Variants in OXR1 observed in about 807,000 individuals in gnomAD.
OXR1 encodes the protein oxidation resistance 1, also known as oxidation resistance protein 1.
A neutral mutation model predicts 104.6 loss-of-function variants in OXR1; 41 were observed. The observed-to-expected ratio is 0.39, with a 90% CI of 0.31 to 0.51. The LOEUF (loss-of-function observed/expected upper bound fraction) is 0.51, where lower values mean the gene tolerates loss of function less well. OXR1 is among the 20% of genes least tolerant of loss of function. The pLI is 0.77. For missense variants in OXR1, 955 were observed against 1,031.9 expected (o/e 0.93, Z 1.02); for synonymous variants, 348 against 348.4 (o/e 1.00, Z 0.01).
intron 6 of OXR1, among the ~76,000 whole-genome samples, chr8:106,690,294 A>G (rs1282111792): frequency 1.3e-5 from 2 of 151,042 alleles, no homozygotes; most frequent in African/African-American, 2.4e-5. Context: ...CATATATACT[A>G]CATTCATATT....
At chr8:106,432,717 A>G (rs1007040994) in intron 2 of OXR1, among the ~76,000 whole-genome samples, 6 of 152,138 alleles carry the variant, frequency 3.9e-5, no homozygotes, top group Non-Finnish European at 7.4e-5. Flanking sequence ...TGCATGTAGG[A>G]TGCATTTATC....
intron 3 of OXR1, among the ~76,000 whole-genome samples, chr8:106,548,686 G>A (rs1030875408): frequency 1.3e-5 from 2 of 152,178 alleles, no homozygotes; most frequent in Non-Finnish European, 2.9e-5. Flanking sequence ...TGTATGTTTA[G>A]GAACTCGATG....
intron 2 of OXR1, among the ~76,000 whole-genome samples, chr8:106,408,143 G>C (rs1327981105): frequency 2.0e-5 from 3 of 152,144 alleles, no homozygotes; most frequent in African/African-American, 4.8e-5. Context: ...TCCCCAAATA[G>C]CGTTGCTCTT....
intron 7 of OXR1, among the ~76,000 whole-genome samples, chr8:106,693,724 C>T (rs900804481): frequency 1.8e-4 from 28 of 152,082 alleles, no homozygotes; most frequent in African/African-American, 6.3e-4. Context: ...AGCCACCGCA[C>T]CCAGCCCAGA....
At chr8:106,394,386 A>G (rs1049227761) in intron 2 of OXR1, among the ~76,000 whole-genome samples, 15 of 151,870 alleles carry the variant, frequency 9.9e-5, no homozygotes, top group Non-Finnish European at 1.9e-4. Flanking sequence ...ACTCTTAGGT[A>G]ATTACCTAAG....
chr8:106,281,821 A>T (rs1586467705), intron 1 of OXR1, among the ~76,000 whole-genome samples: 1 of 147,760 alleles, frequency 6.8e-6, no homozygotes, highest in Admixed American at 6.7e-5. Flanking sequence ...AAAAAAAAAA[A>T]AAGACACTTA....
chr8:106,683,852 C>A (rs946483656), intron 5 of OXR1, among the ~76,000 whole-genome samples: 1 of 152,114 alleles, frequency 6.6e-6, no homozygotes, highest in Non-Finnish European at 1.5e-5. Context: ...TTGCTAAGGT[C>A]AATAGTGCTG....
intron 2 of OXR1, among the ~76,000 whole-genome samples, chr8:106,362,075 G>A (rs1219115528): frequency 4.6e-5 from 7 of 152,188 alleles, no homozygotes; most frequent in Admixed American, 3.9e-4. Flanking sequence ...ACAGAGGTCA[G>A]CCTCGCAGGG....
At chr8:106,314,055 G>A (rs554561961) in intron 1 of OXR1, among the ~76,000 whole-genome samples, 1 of 152,314 alleles carries the variant, frequency 6.6e-6, no homozygotes, top group Non-Finnish European at 1.5e-5. Context: ...TACACATTCA[G>A]AGAATTGTGA....
At chr8:106,282,773 G>A (rs1422092448) in intron 1 of OXR1, among the ~76,000 whole-genome samples, 2 of 152,176 alleles carry the variant, frequency 1.3e-5, no homozygotes, top group Non-Finnish European at 2.9e-5. Context: ...GGGTGGCAGA[G>A]ATGGAAGAAA....
intron 2 of OXR1, among the ~76,000 whole-genome samples, chr8:106,414,726 A>G (rs1168313777): frequency 3.3e-5 from 5 of 152,100 alleles, no homozygotes; most frequent in African/African-American, 1.2e-4. Flanking sequence ...AACACGAAGT[A>G]GTTTGGTTTG....
intron 3 of OXR1, among the ~76,000 whole-genome samples, chr8:106,525,525 T>C (rs1316127968): frequency 6.6e-6 from 1 of 152,200 alleles, no homozygotes; most frequent in African/African-American, 2.4e-5. Context: ...AAACAATAAG[T>C]AAGATAATTA....
intron 2 of OXR1, among the ~76,000 whole-genome samples, chr8:106,413,569 T>A (rs1563509825): frequency 6.6e-6 from 1 of 152,118 alleles, no homozygotes; most frequent in Non-Finnish European, 1.5e-5. Context: ...TAAGGGTCAA[T>A]AATTAGATTT....
At chr8:106,544,393 A>G (rs184580148) in intron 3 of OXR1, among the ~76,000 whole-genome samples, 1 of 152,138 alleles carries the variant, frequency 6.6e-6, no homozygotes, top group African/African-American at 2.4e-5. Flanking sequence ...AAGGTGAAGC[A>G]TGCAGAAACC....
chr8:106,499,338 G>T (rs144639956), intron 2 of OXR1, among the ~76,000 whole-genome samples: 1 of 152,176 alleles, frequency 6.6e-6, no homozygotes, highest in East Asian at 1.9e-4. Context: ...ATTTCTAGTG[G>T]TCTTTATTGA....
At chr8:106,538,451 T>C (rs1053909524) in intron 3 of OXR1, among the ~76,000 whole-genome samples, 6 of 151,124 alleles carry the variant, frequency 4.0e-5, no homozygotes, top group Admixed American at 4.0e-4. Flanking sequence ...TTTTCTACTA[T>C]TTTTTTTCCC....
intron 3 of OXR1, among the ~76,000 whole-genome samples, chr8:106,552,712 A>G (rs1196099993): frequency 6.6e-6 from 1 of 152,212 alleles, no homozygotes; most frequent in Non-Finnish European, 1.5e-5. Context: ...GATAAAATAG[A>G]TAGCTTTTCT....
At chr8:106,528,054 A>G (rs1221483994) in intron 3 of OXR1, among the ~76,000 whole-genome samples, 1 of 152,166 alleles carries the variant, frequency 6.6e-6, no homozygotes, top group African/African-American at 2.4e-5. Flanking sequence ...ACTTAGTTGA[A>G]GTGACTGTCC....
chr8:106,732,987 G>A (rs1442572737), intron 11 of OXR1, among the ~76,000 whole-genome samples: 1 of 152,168 alleles, frequency 6.6e-6, no homozygotes, highest in Non-Finnish European at 1.5e-5. Context: ...GTATTCATCA[G>A]TGAGTCTATC....
Sources: gnomAD v4.1 joint callset for allele counts (sites outside exome capture counted in the v4.1 genomes callset) on GRCh38, gnomAD v4.1.1 for gene constraint, MANE v1.5 for transcripts, NCBI Gene and HGNC (gene_info 2026-07-23, HGNC 2026-07-21) for gene names.